SIPA1L3: variants seen among roughly 807,000 people sequenced by gnomAD.
SIPA1L3 encodes the protein signal induced proliferation associated 1 like 3.
A neutral mutation model predicts 150.1 loss-of-function variants in SIPA1L3; 59 were observed. The ratio of observed to expected loss-of-function variants is 0.39; its 90% confidence interval spans 0.32 to 0.49. SIPA1L3 has a LOEUF of 0.49. Ranked by LOEUF, SIPA1L3 falls within the 20% of genes least tolerant of loss-of-function variation. The pLI is 0.86. For synonymous variants in SIPA1L3, 1,070 were observed against 1,077.6 expected (o/e 0.99, Z 0.14); for missense variants, 2,211 against 2,489.5 (o/e 0.89, Z 2.38).
chr19:38,193,264 G>A (rs930149643), intron 17 of SIPA1L3, among the ~76,000 whole-genome samples: 5 of 151,508 alleles, frequency 3.3e-5, no homozygotes, highest in Admixed American at 6.6e-5. Flanking sequence ...TAGGAGGATC[G>A]CTTAAGCCCA....
chr19:38,155,357 C>T lies in SIPA1L3; in HGVS notation c.3661+2390C>T, dbSNP rs986106771. Among the ~76,000 whole-genome samples the T allele has an allele frequency of 3.3e-5, 5 of 151,916 alleles. 1 individual carries two copies. Among genetic ancestry groups the T allele is most frequent in the East Asian group, 1.9e-4 (1 of 5,168 alleles). On this transcript the variant is annotated intron_variant, in intron 13 of 21. Coordinates refer to ENST00000222345, the MANE Select transcript of SIPA1L3 (RefSeq NM_015073.3). ...TCCCAAAGTGCTGGGATTACAGGCG[C>T]GAGCCACCGCACCCGGCTGGCTTTG...
chr19:38,167,597 C>T (rs760843186), intron 15 of SIPA1L3, among the ~76,000 whole-genome samples: 1 of 152,148 alleles, frequency 6.6e-6, no homozygotes, highest in Non-Finnish European at 1.5e-5. Context: ...GGGTCCTGCT[C>T]TATTGCCCAG....
chr19:38,145,869 T>TG, intron 12 of SIPA1L3, among the ~76,000 whole-genome samples: 1 of 152,068 alleles, frequency 6.6e-6, no homozygotes, highest in Non-Finnish European at 1.5e-5. Flanking sequence ...GAGGCTCTTT[T>TG]TTTTTTTTGG....
intron 1 of SIPA1L3, among the ~76,000 whole-genome samples, chr19:37,923,528 C>T (rs1340291555): frequency 2.0e-5 from 3 of 152,114 alleles, no homozygotes. Context: ...AGGGCACTTA[C>T]CGTGGATGGA....
At chr19:37,916,875 C>T (rs931989736) in intron 1 of SIPA1L3, among the ~76,000 whole-genome samples, 2 of 151,928 alleles carry the variant, frequency 1.3e-5, no homozygotes, top group Non-Finnish European at 2.9e-5. Context: ...CAGAGAATCA[C>T]TTGAACCCTG....
chr19:38,126,834 C>G (rs991447361), intron 9 of SIPA1L3, among the ~76,000 whole-genome samples: 4 of 152,092 alleles, frequency 2.6e-5, no homozygotes, highest in Non-Finnish European at 5.9e-5. Flanking sequence ...CTGTGCCCGG[C>G]CCAATTTTAC....
intron 1 of SIPA1L3, among the ~76,000 whole-genome samples, chr19:37,946,401 C>T (rs1415279334): frequency 3.3e-5 from 5 of 152,024 alleles, no homozygotes; most frequent in Non-Finnish European, 4.4e-5. Flanking sequence ...CCAAAGTGTT[C>T]GGATTACAGG....
chr19:38,146,287 GTC>G (rs1035668981), intron 12 of SIPA1L3, among the ~76,000 whole-genome samples: 21 of 152,270 alleles, frequency 1.4e-4, no homozygotes, highest in Middle Eastern at 3.4e-3. Context: ...GTTGTCGCGA[GTC>G]TCTAGTTCAC....
In SIPA1L3 at chr19:38,164,526, C is replaced by T; in HGVS notation, c.3828C>T (p.Ser1276=). 1 of 1,613,906 alleles carries T rather than the reference C, an allele frequency of 6.2e-7. No individual in the cohort carries two copies. Among genetic ancestry groups the T allele is most frequent in the Non-Finnish European group, 8.5e-7 (1 of 1,179,834 alleles). ...SSHSSSNTLS[S]NASSSHSDDR... ...ATTCCAGCAGCAACACCCTCTCCAG[C>T]AACGCATCCAGCAGCCACAGCGACG... The change falls in exon 15 of 22, where the codon AGC becomes AGT. Residue 1276 remains serine (S), a synonymous_variant. Coordinates refer to ENST00000222345, the MANE Select transcript of SIPA1L3 (RefSeq NM_015073.3). This position sits in a 1 kb window ranked among gnomAD's most constrained non-coding sequence, Gnocchi z 4.1.
At chr19:38,099,413 A>G (rs1197492892) in intron 4 of SIPA1L3, among the ~76,000 whole-genome samples, 1 of 151,890 alleles carries the variant, frequency 6.6e-6, no homozygotes, top group Admixed American at 6.6e-5. Context: ...CCAGTATTCA[A>G]GGCAGGTGGG....
chr19:38,073,783 G>A (rs931605484), intron 2 of SIPA1L3, among the ~76,000 whole-genome samples: 3 of 152,186 alleles, frequency 2.0e-5, no homozygotes, highest in African/African-American at 4.8e-5. Context: ...GCCCCTGCAA[G>A]GACACTTTCC....
chr19:38,038,470 A>C (rs1273160537), intron 2 of SIPA1L3, among the ~76,000 whole-genome samples: 1 of 151,770 alleles, frequency 6.6e-6, no homozygotes, highest in Non-Finnish European at 1.5e-5. Context: ...GGCGCCTGTA[A>C]TCCCAGCTGC....
At chr19:38,132,676 C>A (rs1358392334) in intron 10 of SIPA1L3, among the ~76,000 whole-genome samples, 1 of 147,276 alleles carries the variant, frequency 6.8e-6, no homozygotes. Context: ...GAGACAGAGT[C>A]TTGCTCTGTC....
chr19:38,157,310 C>G lies in SIPA1L3; in HGVS notation c.3661+4343C>G, dbSNP rs1971971045. On this transcript the variant is annotated intron_variant, in intron 13 of 21. Transcript: ENST00000222345. ...TGGATTGTCCAGTGTGCACACTGCA[C>G]ATGCCTTCATGTTTAGTCGTCTCAG... is the stretch of plus-strand genomic sequence containing the variant. 2.6e-5 allele frequency among the ~76,000 whole-genome samples: 4 copies of G among 152,322 alleles called. No individual in the cohort carries two copies. The South Asian group carries it at 8.3e-4, about 32-fold the overall frequency.
intron 1 of SIPA1L3, among the ~76,000 whole-genome samples, chr19:37,962,715 C>T (rs1158528104): frequency 6.6e-6 from 1 of 152,042 alleles, no homozygotes. Flanking sequence ...TGGTCTCAGA[C>T]TCCTGGGCTC....
chr19:38,061,084 A>G (rs1407518684), intron 2 of SIPA1L3, among the ~76,000 whole-genome samples: 1 of 152,232 alleles, frequency 6.6e-6, no homozygotes, highest in East Asian at 1.9e-4. Flanking sequence ...TAAAGTAACC[A>G]AATCCCTTGT....
intron 8 of SIPA1L3, among the ~76,000 whole-genome samples, chr19:38,117,429 G>A (rs1462055410): frequency 6.6e-6 from 1 of 152,158 alleles, no homozygotes; most frequent in African/African-American, 2.4e-5. Flanking sequence ...AGACCAGCCT[G>A]ACCAACATGG....
intron 13 of SIPA1L3, 66 bp from the exon 14 acceptor site, chr19:38,162,187 T>TGAG: frequency 3.1e-6 from 4 of 1,273,266 alleles, no homozygotes; most frequent in African/African-American, 2.9e-5. Context: ...TGGCAAAGGG[T>TGAG]CCAGATTCTT....
At chr19:38,010,777 C>G (rs833921) in intron 1 of SIPA1L3, among the ~76,000 whole-genome samples, 121,557 of 152,046 alleles carry the variant, frequency 0.8, 49,320 homozygotes, top group East Asian at 0.97. Context: ...TGGAGCCTCA[C>G]CTCTACTGTT....
Sources: gnomAD v4.1 joint callset for allele counts (sites outside exome capture counted in the v4.1 genomes callset) on GRCh38, gnomAD v4.1.1 for gene constraint, Gnocchi (gnomAD v3.1) non-coding constraint, MANE v1.5 for transcripts, NCBI Gene and HGNC (gene_info 2026-07-23, HGNC 2026-07-21) for gene names.